The following HSPA12A variants were observed in gnomAD, a reference collection of about 807,000 sequenced individuals.
The protein encoded by HSPA12A is heat shock protein family A (Hsp70) member 12A.
Under a neutral mutation model 69.2 loss-of-function variants are expected in HSPA12A, and 28 were observed. The observed-to-expected ratio is 0.40, with a 90% confidence interval of 0.30 to 0.55. HSPA12A has a LOEUF of 0.55. Among genes scored for constraint, HSPA12A ranks in the 20% least tolerant of loss-of-function variants. HSPA12A has a pLI of 0.38. For synonymous variants in HSPA12A, 345 were observed against 370.5 expected, an observed-to-expected ratio of 0.93 and a Z score of 0.79; for missense variants, 686 against 900.7, an observed-to-expected ratio of 0.76 and a Z score of 3.05.
At chr10:116,689,642 T>C (rs992771252) in intron 6 of HSPA12A, among the ~76,000 whole-genome samples, 13 of 151,006 alleles carry the variant, frequency 8.6e-5, no homozygotes, top group Admixed American at 4.6e-4. Context: ...GACAGACAGA[T>C]AGATAATTAT....
chr10:116,714,640 A>G (rs1401730661), intron 1 of HSPA12A, among the ~76,000 whole-genome samples: 8 of 152,046 alleles, frequency 5.3e-5, no homozygotes, highest in Non-Finnish European at 2.9e-5. Context: ...TGCTCACCTA[A>G]CTCAACCTTG....
At chr10:116,769,715 T>A (rs1439327294) in intron 2 of HSPA12A, among the ~76,000 whole-genome samples, 1 of 152,188 alleles carries the variant, frequency 6.6e-6, no homozygotes, top group East Asian at 1.9e-4. Context: ...GCAAAACAGC[T>A]ATTGATTCAG....
At chr10:116,680,940 C>CA (rs1244890974) in intron 9 of HSPA12A, among the ~76,000 whole-genome samples, 2 of 152,212 alleles carry the variant, frequency 1.3e-5, no homozygotes, top group Non-Finnish European at 2.9e-5. Context: ...CGCTTTAGGC[C>CA]AAAACCCAAG....
chr10:116,811,096 G>A (rs1457541570), intron 2 of HSPA12A, among the ~76,000 whole-genome samples: 1 of 152,136 alleles, frequency 6.6e-6, no homozygotes, highest in Admixed American at 6.5e-5. Flanking sequence ...CCTGGAGGAG[G>A]CAACATTTCA....
rs559747768 is a variant in HSPA12A, at chr10:116,757,904, T to G, written c.92-50619A>C. On this transcript the variant is annotated intron_variant, in intron 2 of 12. Coordinates refer to the HSPA12A transcript ENST00000635765. Reference sequence around the variant, plus strand: ...TATCTACTTCTCTACCTATGAGATATGTGCATATAAAATTGTGCATTTAAA... The same window carrying G: ...TATCTACTTCTCTACCTATGAGATAGGTGCATATAAAATTGTGCATTTAAA... 3.9e-5 allele frequency among the ~76,000 whole-genome samples: 6 copies of G among 152,366 alleles called. No individual in the cohort carries two copies. The South Asian group carries it at 1.2e-3, about 32-fold the overall frequency.
At chr10:116,799,542 AT>A (rs1844911006) in intron 2 of HSPA12A, among the ~76,000 whole-genome samples, 1 of 152,148 alleles carries the variant, frequency 6.6e-6, no homozygotes, top group Non-Finnish European at 1.5e-5. Flanking sequence ...CAATGGGGTT[AT>A]TCCTCTGTTC....
chr10:116,780,152 C>T (rs1554891660), intron 2 of HSPA12A, among the ~76,000 whole-genome samples: 4 of 152,266 alleles, frequency 2.6e-5, no homozygotes, highest in East Asian at 1.9e-4. Flanking sequence ...AGGGCACTGT[C>T]GCAGACCATC....
Position 116,818,016 on chromosome 10 carries a change from C to A in HSPA12A, c.91+16919G>T, listed in dbSNP as rs1056260712. ...CCTCTTCCTCTCCAGGGTCTCTGCC[C>A]TGAGTTAGGAGTGATCGTTTCTCAC... is the stretch of plus-strand genomic sequence containing the variant. On this transcript the variant is annotated intron_variant, in intron 2 of 12. Transcript: ENST00000635765. Among the ~76,000 whole-genome samples the A allele has an allele frequency of 3.9e-5, 6 of 152,184 alleles. 1 individual carries two copies. The South Asian group carries it at 1.2e-3, about 31-fold the overall frequency.
chr10:116,692,113 G>A (rs1351849255), intron 6 of HSPA12A, among the ~76,000 whole-genome samples: 2 of 152,224 alleles, frequency 1.3e-5, no homozygotes, highest in Non-Finnish European at 2.9e-5. Flanking sequence ...TAGAAAGCCA[G>A]GAAGGAAACC....
intron 1 of HSPA12A, among the ~76,000 whole-genome samples, chr10:116,846,942 G>A (rs1845898920): frequency 1.3e-5 from 2 of 151,664 alleles, no homozygotes; most frequent in African/African-American, 2.4e-5. Context: ...TTCCCTTTAT[G>A]TCCTAAATCT....
chr10:116,734,476 C>T (rs1012025241), intron 1 of HSPA12A, among the ~76,000 whole-genome samples: 2 of 150,034 alleles, frequency 1.3e-5, no homozygotes, highest in South Asian at 4.2e-4. Context: ...AAGCAAAACC[C>T]ATCCAGGGTG....
At chr10:116,713,483 T>G (rs1458663852) in intron 1 of HSPA12A, among the ~76,000 whole-genome samples, 1 of 152,118 alleles carries the variant, frequency 6.6e-6, no homozygotes, top group Non-Finnish European at 1.5e-5. Flanking sequence ...CCAGGCCAAG[T>G]TGGGGGCAGC....
intron 2 of HSPA12A, among the ~76,000 whole-genome samples, chr10:116,777,751 G>A (rs1052441436): frequency 1.3e-5 from 2 of 152,296 alleles, no homozygotes; most frequent in Admixed American, 6.5e-5. Context: ...GTTTTGAGAC[G>A]GAGTCTCACT....
chr10:116,682,870 T>A (rs1360054187), intron 7 of HSPA12A, among the ~76,000 whole-genome samples: 1 of 40,262 alleles, frequency 2.5e-5, no homozygotes, highest in Non-Finnish European at 7.5e-5. Context: ...CCGGCTAATT[T>A]TTTTTTTTTT....
intron 2 of HSPA12A, among the ~76,000 whole-genome samples, chr10:116,785,818 C>T (rs960105310): frequency 7.9e-5 from 12 of 152,302 alleles, no homozygotes; most frequent in Admixed American, 7.2e-4. Context: ...TTGACTCTGC[C>T]TTTCCCCGCT....
chr10:116,812,215 G>A (rs1029266627), intron 2 of HSPA12A, among the ~76,000 whole-genome samples: 6 of 152,168 alleles, frequency 3.9e-5, no homozygotes, highest in African/African-American at 1.4e-4. Context: ...CACTTTGGGA[G>A]GCTGAGGCAG....
intron 1 of HSPA12A, among the ~76,000 whole-genome samples, chr10:116,733,825 G>A (rs1851232619): frequency 6.6e-6 from 1 of 152,088 alleles, no homozygotes; most frequent in Non-Finnish European, 1.5e-5. Context: ...AATACACTCA[G>A]TCCTCAACTT....
chr10:116,801,583 C>T (rs966928083), intron 2 of HSPA12A, among the ~76,000 whole-genome samples: 9 of 152,068 alleles, frequency 5.9e-5, no homozygotes, highest in Non-Finnish European at 7.3e-5. Flanking sequence ...AGCATTCCCA[C>T]GAGCGCAATA....
chr10:116,815,875 G>T (rs1845293567), intron 2 of HSPA12A, among the ~76,000 whole-genome samples: 4 of 152,212 alleles, frequency 2.6e-5, no homozygotes. Context: ...GACAAAATGT[G>T]TATCTCCAGG....
Sources: allele counts gnomAD v4.1 joint callset (sites outside exome capture counted in the v4.1 genomes callset), GRCh38; gene constraint gnomAD v4.1.1; transcripts MANE v1.5; gene names NCBI Gene and HGNC (gene_info 2026-07-23, HGNC 2026-07-21).